The following ACSS3 variants were observed in gnomAD, a reference collection of about 807,000 sequenced individuals.
ACSS3 encodes the protein acyl-CoA synthetase short-chain family member 3, mitochondrial.
Under a neutral mutation model 84.2 loss-of-function variants are expected in ACSS3, and 64 were observed. The observed-to-expected ratio is 0.76, with a 90% CI of 0.62 to 0.94. ACSS3 has a LOEUF of 0.94. Ranked by LOEUF, ACSS3 falls within the 40% of genes least tolerant of loss-of-function variation. The probability of loss-of-function intolerance (pLI) is 0.00; values close to 1 mark genes in which losing one functional copy is unlikely to be tolerated. For missense variants in ACSS3, 815 were observed against 867.6 expected (o/e 0.94, Z 0.76); for synonymous variants, 317 against 310.1 (o/e 1.02, Z -0.23).
rs534013622 is a variant in ACSS3 at position 81,090,555 on chromosome 12, T to TA, written c.311+12127dup. On this transcript the variant is annotated intron_variant, in intron 1 of 15. Coordinates refer to ENST00000548058, the MANE Select transcript of ACSS3 (RefSeq NM_024560.4). The stretch of plus-strand genomic sequence containing the variant: ...CATCTCCTAAATCTGATTTTTTATA[T>TA]AAATTGCAGGTAGATACTACCTGAA... Among the ~76,000 whole-genome samples the TA allele has an allele frequency of 2.6e-5, 4 of 152,152 alleles. No individual in the cohort carries two copies. In the South Asian group the frequency reaches 8.3e-4, roughly 31 times the overall value.
chr12:81,228,382 G>A (rs2033340746), intron 11 of ACSS3, among the ~76,000 whole-genome samples: 1 of 151,808 alleles, frequency 6.6e-6, no homozygotes, highest in Non-Finnish European at 1.5e-5. Flanking sequence ...ATGAAAATGT[G>A]TATTGTCCTT....
At chr12:81,108,267 T>TA (rs773901906) in intron 1 of ACSS3, among the ~76,000 whole-genome samples, 7,297 of 104,646 alleles carry the variant, frequency 0.07, 285 homozygotes, top group African/African-American at 0.16. Context: ...TATTATTAAT[T>TA]ATTATTATTA....
At chr12:81,214,910 A>G (rs2032845260) in intron 9 of ACSS3, among the ~76,000 whole-genome samples, 1 of 152,300 alleles carries the variant, frequency 6.6e-6, no homozygotes, top group South Asian at 2.1e-4. Flanking sequence ...AAGTAACAAA[A>G]GCATCTTGAA....
chr12:81,200,531 TC>T (rs1439279105), intron 9 of ACSS3, among the ~76,000 whole-genome samples: 1 of 152,214 alleles, frequency 6.6e-6, no homozygotes, highest in Non-Finnish European at 1.5e-5. Flanking sequence ...GTTTGATACT[TC>T]AGAAGTTTCT....
chr12:81,157,034 C>G (rs576690696), intron 7 of ACSS3, among the ~76,000 whole-genome samples: 1 of 151,292 alleles, frequency 6.6e-6, no homozygotes, highest in Non-Finnish European at 1.5e-5. Flanking sequence ...AAAAAGTCAA[C>G]GACAAAAAAA....
intron 8 of ACSS3, among the ~76,000 whole-genome samples, chr12:81,179,917 T>C (rs961814634): frequency 2.6e-5 from 4 of 152,070 alleles, no homozygotes; most frequent in African/African-American, 4.8e-5. Context: ...AAAGGAAGCA[T>C]GATGCTGTCA....
intron 8 of ACSS3, among the ~76,000 whole-genome samples, chr12:81,189,020 C>A (rs2031429362): frequency 6.6e-6 from 1 of 151,990 alleles, no homozygotes; most frequent in Admixed American, 6.6e-5. Flanking sequence ...GAGTTATTCC[C>A]CCTATTTAAC....
chr12:81,130,150 A>T (rs1885394801), intron 2 of ACSS3, among the ~76,000 whole-genome samples: 1 of 152,154 alleles, frequency 6.6e-6, no homozygotes, highest in Non-Finnish European at 1.5e-5. Flanking sequence ...CAGTAATGGG[A>T]TTGCTGAGTC....
intron 5 of ACSS3, among the ~76,000 whole-genome samples, chr12:81,144,117 C>A (rs1341417795): frequency 1.3e-5 from 2 of 152,140 alleles, no homozygotes; most frequent in Non-Finnish European, 2.9e-5. Flanking sequence ...AACTTCATTT[C>A]TTAATCTTCT....
At chr12:81,247,621 GTATT>G (rs1402886435) in intron 13 of ACSS3, among the ~76,000 whole-genome samples, 2 of 151,998 alleles carry the variant, frequency 1.3e-5, no homozygotes, top group African/African-American at 4.8e-5. Context: ...TTTTTATTAA[GTATT>G]TATATTTGAT....
In ACSS3 at chr12:81,229,281, A is replaced by G. The variant is rs1438974092; in HGVS notation, c.1515-1776A>G. On this transcript the variant is annotated intron_variant, in intron 11 of 15. Transcript: ENST00000548058. ...TAATATGCAAGCAGAATGAATCTTC[A>G]TCAGGTTTATTATCATTTATTTTAC... 2.0e-5 allele frequency among the ~76,000 whole-genome samples: 3 copies of G among 151,878 alleles called. No homozygotes were observed. In the East Asian group the frequency reaches 5.8e-4, roughly 30 times the overall value.
At chr12:81,191,569 A>G (rs1176420977) in intron 8 of ACSS3, among the ~76,000 whole-genome samples, 1 of 152,218 alleles carries the variant, frequency 6.6e-6, no homozygotes, top group East Asian at 1.9e-4. Flanking sequence ...CAGAAGTGAC[A>G]TTATGGGAAG....
At chr12:81,178,609 A>G (rs1271258470) in intron 8 of ACSS3, among the ~76,000 whole-genome samples, 2 of 152,144 alleles carry the variant, frequency 1.3e-5, no homozygotes, top group Non-Finnish European at 2.9e-5. Context: ...AATCTCTACA[A>G]TTGGAATTAC....
At chr12:81,085,030 T>C (rs1881223703) in intron 1 of ACSS3, among the ~76,000 whole-genome samples, 1 of 152,196 alleles carries the variant, frequency 6.6e-6, no homozygotes, top group Non-Finnish European at 1.5e-5. Flanking sequence ...AGTTTCTTCC[T>C]CATTCCTTAT....
At chr12:81,126,809 A>G (rs1885127656) in intron 2 of ACSS3, among the ~76,000 whole-genome samples, 1 of 152,064 alleles carries the variant, frequency 6.6e-6, no homozygotes, top group African/African-American at 2.4e-5. Flanking sequence ...ATTGATTGAA[A>G]CCCATGTGTG....
At chr12:81,224,029 T>G (rs533931430) in intron 11 of ACSS3, among the ~76,000 whole-genome samples, 1 of 152,094 alleles carries the variant, frequency 6.6e-6, no homozygotes, top group African/African-American at 2.4e-5. Flanking sequence ...GCCTCAATTA[T>G]TCACCTTTCC....
intron 13 of ACSS3, among the ~76,000 whole-genome samples, chr12:81,252,605 A>G (rs1054037837): frequency 1.3e-5 from 2 of 149,846 alleles, no homozygotes; most frequent in African/African-American, 2.4e-5. Context: ...CCGTCACCAT[A>G]TATATATATA....
At position 81,187,123 on chromosome 12, in the gene ACSS3, T is replaced by C. The variant is rs755282576; in HGVS notation, c.1250+12184T>C. Among the ~76,000 whole-genome samples, 56 of 148,464 alleles carry C rather than the reference T, an allele frequency of 3.8e-4. 1 individual carries two copies. The highest frequency in any genetic ancestry group is 3.9e-4 in the Non-Finnish European group (26 of 66,676). On this transcript the variant is annotated intron_variant, in intron 8 of 15. Transcript: ENST00000548058. ...AGACACAGAAAAATATTACATCATCTCATTTATATGTTAAATTTTAAAACA... is the reference window on the plus strand; with the variant it reads ...AGACACAGAAAAATATTACATCATCCCATTTATATGTTAAATTTTAAAACA...
At chr12:81,141,887 T>A (rs1242610695) in intron 4 of ACSS3, among the ~76,000 whole-genome samples, 1 of 152,198 alleles carries the variant, frequency 6.6e-6, no homozygotes, top group Non-Finnish European at 1.5e-5. Flanking sequence ...GAAAGCAGTT[T>A]GGCCTGAAAC....
Sources: allele counts gnomAD v4.1 joint callset (sites outside exome capture counted in the v4.1 genomes callset), GRCh38; gene constraint gnomAD v4.1.1; transcripts MANE v1.5; gene names NCBI Gene and HGNC (gene_info 2026-07-23, HGNC 2026-07-21).